The following PHACTR3 variants were observed in gnomAD, a reference collection of about 807,000 sequenced individuals.
PHACTR3 encodes the protein protein phosphatase 1, regulatory subunit 123.
PHACTR3 carries 16 observed loss-of-function variants against 66.8 expected under a neutral mutation model. That is an observed-to-expected ratio of 0.24 (90% CI 0.16 to 0.36). The LOEUF (loss-of-function observed/expected upper bound fraction) is 0.36, where lower values mean the gene tolerates loss of function less well. Ranked by LOEUF, PHACTR3 falls within the 10% of genes least tolerant of loss-of-function variation. The pLI, the probability that PHACTR3 is intolerant of heterozygous loss-of-function variation, is 1.00. For missense variants in PHACTR3, 647 were observed against 719.9 expected, an observed-to-expected ratio of 0.90 and a Z score of 1.16; for synonymous variants, 323 against 292.1, an observed-to-expected ratio of 1.11 and a Z score of -1.08.
intron 11 of PHACTR3, among the ~76,000 whole-genome samples, chr20:59,842,793 G>T (rs1242644775): frequency 6.6e-6 from 1 of 152,126 alleles, no homozygotes; most frequent in African/African-American, 2.4e-5. Flanking sequence ...TTTAGGTATG[G>T]AGTGAACGGA....
At chr20:59,729,159 C>T (rs969532258) in intron 1 of PHACTR3, among the ~76,000 whole-genome samples, 4 of 151,944 alleles carry the variant, frequency 2.6e-5, no homozygotes, top group Non-Finnish European at 5.9e-5. Context: ...CAGGGTAAGG[C>T]GGGGTCAGGG....
chr20:59,677,398 ACATTTG>A, intron 1 of PHACTR3, among the ~76,000 whole-genome samples: 1 of 152,148 alleles, frequency 6.6e-6, no homozygotes, highest in South Asian at 2.1e-4. Context: ...GTGTGGTTTT[ACATTTG>A]GTATCATTTG....
At chr20:59,760,342 G>A (rs897001109) in intron 4 of PHACTR3, among the ~76,000 whole-genome samples, 2 of 152,160 alleles carry the variant, frequency 1.3e-5, no homozygotes, top group Non-Finnish European at 2.9e-5. Flanking sequence ...GTTTTGTTTG[G>A]ATGGTGCCCG....
chr20:59,598,209 G>T (rs543204866), intron 1 of PHACTR3, among the ~76,000 whole-genome samples: 1 of 152,236 alleles, frequency 6.6e-6, no homozygotes, highest in Non-Finnish European at 1.5e-5. Flanking sequence ...CTGCCTCATA[G>T]ATAGGCCCCT....
At chr20:59,676,504 T>C (rs1236134707) in intron 1 of PHACTR3, among the ~76,000 whole-genome samples, 1 of 137,234 alleles carries the variant, frequency 7.3e-6, no homozygotes, top group Admixed American at 8.1e-5. Context: ...TATTTAAAAA[T>C]GTTGACAGAT....
intron 1 of PHACTR3, among the ~76,000 whole-genome samples, chr20:59,643,397 T>A (rs1227706423): frequency 6.6e-6 from 1 of 152,148 alleles, no homozygotes; most frequent in Non-Finnish European, 1.5e-5. Context: ...GAAGTAGTGT[T>A]GGGGGAATTC....
rs2059126753 is a variant in PHACTR3 at position 59,845,119 on chromosome 20, T to G, written c.1588-70T>G. 6.1e-6 allele frequency: 6 copies of G among 981,704 alleles called. No individual in the cohort carries two copies. In the South Asian group the frequency reaches 8.6e-5, roughly 14 times the overall value. The allele number at this position is 981,704 out of a possible 1,614,324, so 60.8% of individuals were successfully genotyped here. ...CAACAAGGATTAGGAATGGTTAATT[T>G]ATAAACACGATGCTAATTTCCTGAT... is the stretch of plus-strand genomic sequence containing the variant. On this transcript the variant is annotated intron_variant, in intron 11 of 12. Coordinates refer to ENST00000371015, the MANE Select transcript of PHACTR3 (RefSeq NM_080672.5).
intron 7 of PHACTR3, among the ~76,000 whole-genome samples, chr20:59,786,931 T>TA (rs1042977851): frequency 3.8e-5 from 2 of 52,462 alleles, no homozygotes; most frequent in Non-Finnish European, 2.0e-4. Context: ...CACTAATCAC[T>TA]ATTTTTTTTT....
At chr20:59,648,388 A>G (rs2035355358) in intron 1 of PHACTR3, among the ~76,000 whole-genome samples, 1 of 152,254 alleles carries the variant, frequency 6.6e-6, no homozygotes, top group African/African-American at 2.4e-5. Flanking sequence ...CTTTAAAATC[A>G]CATGGCCTGA....
chr20:59,621,806 G>A (rs1255440800), intron 1 of PHACTR3, among the ~76,000 whole-genome samples: 3 of 152,214 alleles, frequency 2.0e-5, no homozygotes, highest in Non-Finnish European at 4.4e-5. Context: ...AGAGGACAAA[G>A]GAAGGGAGGT....
At chr20:59,846,421 G>GGGAGGAATAGGTCATAT (rs545868199) in intron 12 of PHACTR3, among the ~76,000 whole-genome samples, 2 of 152,084 alleles carry the variant, frequency 1.3e-5, no homozygotes, top group Non-Finnish European at 1.5e-5. Context: ...CATACTTTTG[G>GGGAGGAATAGGTCATAT]GGAGGAATAG....
intron 1 of PHACTR3, among the ~76,000 whole-genome samples, chr20:59,660,085 C>G (rs887175001): frequency 6.6e-6 from 1 of 152,212 alleles, no homozygotes; most frequent in African/African-American, 2.4e-5. Flanking sequence ...CTTAGCCCCC[C>G]ACTTTCAGAG....
chr20:59,843,654 C>T (rs190059707), intron 11 of PHACTR3: 32 of 152,044 alleles, frequency 2.1e-4, no homozygotes, highest in African/African-American at 7.0e-4. Context: ...AAACTGTACC[C>T]CTATTTCTTA....
chr20:59,589,311 C>G (rs2033123737), intron 1 of PHACTR3, among the ~76,000 whole-genome samples: 1 of 152,202 alleles, frequency 6.6e-6, no homozygotes, highest in South Asian at 2.1e-4. Context: ...AATGCGAAAT[C>G]CCGATGGACC....
intron 5 of PHACTR3, among the ~76,000 whole-genome samples, chr20:59,769,637 G>T (rs2040299105): frequency 3.9e-5 from 6 of 152,222 alleles, no homozygotes; most frequent in Admixed American, 3.9e-4. Flanking sequence ...CCCCCAGACA[G>T]TAGTCCCTGA....
At position 59,713,747 on chromosome 20, in the gene PHACTR3, T is replaced by C. The variant is rs545129081; in HGVS notation, c.119-29360T>C. Reference sequence around the variant, plus strand: ...CTTGAGCTCGTTTTTGTCTTTTGCTTTTTTTTTTTCTCCTTTTTTGGTAAA... The same window carrying C: ...CTTGAGCTCGTTTTTGTCTTTTGCTCTTTTTTTTTCTCCTTTTTTGGTAAA... On this transcript the variant is annotated intron_variant, in intron 1 of 12. Transcript: ENST00000371015. 6.7e-5 allele frequency among the ~76,000 whole-genome samples: 10 copies of C among 150,180 alleles called. No homozygotes were observed. The South Asian group carries it at 1.9e-3, about 29-fold the overall frequency.
chr20:59,674,425 G>T (rs1184739917), intron 1 of PHACTR3, among the ~76,000 whole-genome samples: 1 of 130,292 alleles, frequency 7.7e-6, no homozygotes, highest in African/African-American at 2.8e-5. Flanking sequence ...CCCTTCTCCT[G>T]TCCCCCCTTC....
rs60547435 is a variant in PHACTR3 at position 59,712,402 on chromosome 20, A to G, written c.119-30705A>G. Among the ~76,000 whole-genome samples the G allele has an allele frequency of 4.5e-3, 683 of 152,296 alleles. 4 individuals carry two copies. Among genetic ancestry groups the G allele is most frequent in the African/African-American group, 0.015 (632 of 41,552 alleles). On this transcript the variant is annotated intron_variant, in intron 1 of 12. Coordinates refer to ENST00000371015, the MANE Select transcript of PHACTR3 (RefSeq NM_080672.5). ...GAGTAATGACACTTCCACTGTGGCC[A>G]TGCAGTTTTGATTATTATAGCTTTG...
At chr20:59,627,013 C>T (rs1355109861) in intron 1 of PHACTR3, 1 of 152,188 alleles carries the variant, frequency 6.6e-6, no homozygotes, top group Non-Finnish European at 1.5e-5. Context: ...CCTTATACCA[C>T]CCAAACACTT....
Sources: allele counts gnomAD v4.1 joint callset (sites outside exome capture counted in the v4.1 genomes callset), GRCh38; gene constraint gnomAD v4.1.1; transcripts MANE v1.5; gene names NCBI Gene and HGNC (gene_info 2026-07-23, HGNC 2026-07-21).